Variants in PRKG1 observed in about 807,000 individuals in gnomAD.
PRKG1 encodes protein kinase cGMP-dependent 1.
A neutral mutation model predicts 88.1 loss-of-function variants in PRKG1; 35 were observed. The ratio of observed to expected loss-of-function variants is 0.40; its 90% CI spans 0.30 to 0.53. PRKG1 has a LOEUF of 0.53. PRKG1 is among the 20% of genes least tolerant of loss of function. The probability of loss-of-function intolerance (pLI) is 0.59; values close to 1 mark genes in which losing one functional copy is unlikely to be tolerated. For missense variants in PRKG1, 540 were observed against 839.8 expected (o/e 0.64, Z 4.41); for synonymous variants, 303 against 292.5 (o/e 1.04, Z -0.37).
At chr10:52,040,711 G>A (rs1564443451) in intron 5 of PRKG1, among the ~76,000 whole-genome samples, 1 of 151,822 alleles carries the variant, frequency 6.6e-6, no homozygotes, top group Non-Finnish European at 1.5e-5. Flanking sequence ...TTTCAGTATT[G>A]TATTGAACAG....
At chr10:52,001,035 A>T (rs1021906650) in intron 5 of PRKG1, among the ~76,000 whole-genome samples, 1 of 151,280 alleles carries the variant, frequency 6.6e-6, no homozygotes, top group Admixed American at 6.6e-5. Flanking sequence ...CTACCATTCT[A>T]CTCTCTATTA....
intron 3 of PRKG1, among the ~76,000 whole-genome samples, chr10:51,792,469 A>T (rs1838893667): frequency 6.6e-6 from 1 of 152,042 alleles, no homozygotes; most frequent in South Asian, 2.1e-4. Flanking sequence ...AGCTTTTCAT[A>T]GTGCTGAGTT....
At chr10:51,839,048 T>G (rs1840201613) in intron 4 of PRKG1, among the ~76,000 whole-genome samples, 1 of 152,058 alleles carries the variant, frequency 6.6e-6, no homozygotes, top group South Asian at 2.1e-4. Flanking sequence ...CCTGCCAGAG[T>G]GTAAATAGGC....
chr10:52,093,647 T>C (rs1471866085), intron 7 of PRKG1, among the ~76,000 whole-genome samples: 1 of 152,186 alleles, frequency 6.6e-6, no homozygotes, highest in Non-Finnish European at 1.5e-5. Flanking sequence ...TTCAGATAGC[T>C]CTTGCAAAAA....
At position 51,123,280 on chromosome 10, in the gene PRKG1, T is replaced by G. The variant is rs151093677; in HGVS notation, c.312-29884T>G. ...TAACCTCGTTCTTTAAAAATAAATT[T>G]TATTACTGTTATCCATATATATGGT... On this transcript the variant is annotated intron_variant, in intron 1 of 17. Transcript: ENST00000373980. Among the ~76,000 whole-genome samples, 369 of 152,296 alleles carry G rather than the reference T, an allele frequency of 2.4e-3. 2 individuals carry two copies. Among genetic ancestry groups the G allele is most frequent in the African/African-American group, 8.8e-3 (365 of 41,556 alleles).
chr10:51,848,306 C>T lies in PRKG1; in HGVS notation c.698+43616C>T, dbSNP rs138479940. 6.9e-3 allele frequency among the ~76,000 whole-genome samples: 1,046 copies of T among 152,148 alleles called. 10 individuals carry two copies. The highest frequency in any genetic ancestry group is 0.012 in the Non-Finnish European group (787 of 67,986). ...GGTATAAACATATTTTTAGATGTAA[C>T]ATGGAGAAAAAAATAACTAGTGAAA... is the stretch of plus-strand genomic sequence containing the variant. On this transcript the variant is annotated intron_variant, in intron 4 of 17. Transcript: ENST00000373980.
At chr10:51,611,507 T>C (rs763856109) in intron 3 of PRKG1, among the ~76,000 whole-genome samples, 1 of 152,134 alleles carries the variant, frequency 6.6e-6, no homozygotes, top group Non-Finnish European at 1.5e-5. Flanking sequence ...TTAAATTGTT[T>C]CTTTGTGTAT....
At chr10:51,767,851 T>A (rs1297238237) in intron 3 of PRKG1, among the ~76,000 whole-genome samples, 1 of 152,048 alleles carries the variant, frequency 6.6e-6, no homozygotes, top group Non-Finnish European at 1.5e-5. Context: ...TTTGAAGACA[T>A]TATAAACCCT....
At chr10:51,668,797 A>T (rs1408581656) in intron 3 of PRKG1, among the ~76,000 whole-genome samples, 1 of 152,152 alleles carries the variant, frequency 6.6e-6, no homozygotes, top group Non-Finnish European at 1.5e-5. Context: ...AATGATCCTG[A>T]CCTATTATTG....
At chr10:51,387,619 A>G (rs1837287702) in intron 2 of PRKG1, among the ~76,000 whole-genome samples, 1 of 152,176 alleles carries the variant, frequency 6.6e-6, no homozygotes, top group Non-Finnish European at 1.5e-5. Flanking sequence ...ATATTGAAAC[A>G]TTCATATGAC....
intron 10 of PRKG1, chr10:52,251,915 A>G (rs1363302876): frequency 2.9e-6 from 1 of 340,308 alleles, no homozygotes; most frequent in South Asian, 5.3e-5. Context: ...ATTAAGTGTA[A>G]GGTAAACACA....
rs145805240 is a variant in PRKG1, at chr10:51,198,912, T to C, written c.478+45582T>C. On this transcript the variant is annotated intron_variant, in intron 2 of 17. Transcript: ENST00000373980. ...TTCCTCTTGCAAATTACCACAAAAATATCAAGAATCATTTTTTTAAGCACT... is the reference window on the plus strand; with the variant it reads ...TTCCTCTTGCAAATTACCACAAAAACATCAAGAATCATTTTTTTAAGCACT... Among the ~76,000 whole-genome samples the C allele has an allele frequency of 4.3e-3, 651 of 152,314 alleles. 6 individuals are homozygous for C. The highest frequency in any genetic ancestry group is 0.015 in the African/African-American group (616 of 41,570).
chr10:51,486,557 T>C (rs977320747), intron 3 of PRKG1, among the ~76,000 whole-genome samples: 1 of 152,184 alleles, frequency 6.6e-6, no homozygotes, highest in Admixed American at 6.5e-5. Context: ...TCTTTCTGGC[T>C]TTTGAATGGC....
chr10:51,964,594 C>A (rs1168922892), intron 5 of PRKG1, among the ~76,000 whole-genome samples: 1 of 152,168 alleles, frequency 6.6e-6, no homozygotes, highest in Non-Finnish European at 1.5e-5. Flanking sequence ...AAAAATAATT[C>A]ATGTGCCCAT....
chr10:51,629,233 T>C (rs1322578805), intron 3 of PRKG1, among the ~76,000 whole-genome samples: 1 of 152,142 alleles, frequency 6.6e-6, no homozygotes, highest in Admixed American at 6.5e-5. Context: ...TCTAAAGCAG[T>C]GTTCCCCAAC....
intron 4 of PRKG1, among the ~76,000 whole-genome samples, chr10:51,870,957 A>C (rs1185796917): frequency 1.3e-5 from 2 of 151,650 alleles, no homozygotes; most frequent in African/African-American, 2.4e-5. Context: ...ACTTTACCCC[A>C]CCCCCTAGGC....
At chr10:51,628,015 T>TC (rs1839405745) in intron 3 of PRKG1, among the ~76,000 whole-genome samples, 1 of 56,410 alleles carries the variant, frequency 1.8e-5, no homozygotes, top group Admixed American at 2.0e-4. Context: ...TCTCTCTTTC[T>TC]TTCTTTCTTT....
chr10:51,987,778 G>A (rs994587817), intron 5 of PRKG1, among the ~76,000 whole-genome samples: 1 of 151,930 alleles, frequency 6.6e-6, no homozygotes, highest in South Asian at 2.1e-4. Flanking sequence ...GTGTTTATTT[G>A]TGTACATTTA....
At chr10:51,012,296 G>C (rs1372543084) in intron 1 of PRKG1, among the ~76,000 whole-genome samples, 1 of 152,222 alleles carries the variant, frequency 6.6e-6, no homozygotes, top group African/African-American at 2.4e-5. Flanking sequence ...ACAATAAGTA[G>C]TGAATATTCA....
Sources: gnomAD v4.1 joint callset for allele counts (sites outside exome capture counted in the v4.1 genomes callset) on GRCh38, gnomAD v4.1.1 for gene constraint, MANE v1.5 for transcripts, NCBI Gene and HGNC (gene_info 2026-07-23, HGNC 2026-07-21) for gene names.